The following WWC1 variants were observed in gnomAD, a reference collection of about 807,000 sequenced individuals.
WWC1 encodes the protein WW and C2 domain containing 1.
A neutral mutation model predicts 138.4 loss-of-function variants in WWC1; 55 were observed. That is an observed-to-expected ratio of 0.40 (90% CI 0.32 to 0.50). The LOEUF is 0.50. Ranked by LOEUF, WWC1 falls within the 20% of genes least tolerant of loss-of-function variation. The pLI, the probability that WWC1 is intolerant of heterozygous loss-of-function variation, is 0.72. For synonymous variants in WWC1, 524 were observed against 564.9 expected (o/e 0.93, Z 1.03); for missense variants, 1,226 against 1,420.4 (o/e 0.86, Z 2.20).
intron 7 of WWC1, among the ~76,000 whole-genome samples, chr5:168,409,719 G>A (rs147640682): frequency 7.2e-5 from 11 of 152,180 alleles, no homozygotes; most frequent in Non-Finnish European, 1.0e-4. Flanking sequence ...ATGTCTGAGC[G>A]TACGGTTCTT....
intron 19 of WWC1, among the ~76,000 whole-genome samples, chr5:168,455,984 C>A (rs1756281025): frequency 6.6e-6 from 1 of 152,214 alleles, no homozygotes; most frequent in African/African-American, 2.4e-5. Flanking sequence ...TTTAATTGAA[C>A]CTGCTGCTAA....
intron 9 of WWC1, among the ~76,000 whole-genome samples, chr5:168,418,228 C>T (rs1780801995): frequency 6.6e-6 from 1 of 152,170 alleles, no homozygotes; most frequent in Non-Finnish European, 1.5e-5. Context: ...ATCAGTCAGA[C>T]TCACAGGCAT....
intron 2 of WWC1, among the ~76,000 whole-genome samples, chr5:168,374,787 G>A (rs932158285): frequency 4.6e-5 from 7 of 152,192 alleles, no homozygotes; most frequent in South Asian, 2.1e-4. Flanking sequence ...ACTTGTGAGC[G>A]ACAAATGCCA....
chr5:168,309,777 C>A (rs916513078), intron 1 of WWC1, among the ~76,000 whole-genome samples: 1 of 152,260 alleles, frequency 6.6e-6, no homozygotes, highest in South Asian at 2.1e-4. Context: ...GGAGACCTCT[C>A]CCTCTTTGCT....
At position 168,292,719 on chromosome 5, in the gene WWC1, G is replaced by C. The variant is rs1413342338; in HGVS notation, c.119+448G>C. On this transcript the variant is annotated intron_variant, in intron 1 of 22. Coordinates refer to ENST00000265293, the MANE Select transcript of WWC1 (RefSeq NM_015238.3). This position sits in a 1 kb window ranked among gnomAD's most constrained non-coding sequence, Gnocchi z 4.4. ...GGGAAGTGTCCGGTTAGAGGGGGTG[G>C]TCAAGACCCCAGGATTCCGTGGGAG... Among the ~76,000 whole-genome samples, 2 of 152,158 alleles carry C rather than the reference G, an allele frequency of 1.3e-5. No homozygotes were observed. Among genetic ancestry groups the C allele is most frequent in the Non-Finnish European group, 2.9e-5 (2 of 68,032 alleles).
At chr5:168,295,215 G>A (rs1024525682) in intron 1 of WWC1, among the ~76,000 whole-genome samples, 4 of 152,044 alleles carry the variant, frequency 2.6e-5, no homozygotes, top group Non-Finnish European at 5.9e-5. Context: ...TGAGAAGTGG[G>A]TTGGTTAGAT....
At chr5:168,411,882 A>G (rs1780257275) in intron 8 of WWC1, 16 of 711,688 alleles carry the variant, frequency 2.2e-5, no homozygotes, top group Non-Finnish European at 2.6e-5. Context: ...TATGGGAACC[A>G]GGTGACTTGA....
chr5:168,402,255 G>T (rs549470833), intron 5 of WWC1, among the ~76,000 whole-genome samples: 5 of 152,346 alleles, frequency 3.3e-5, no homozygotes, highest in African/African-American at 9.6e-5. Context: ...TCTGCGTCCA[G>T]TGTGGAGGAA....
intron 20 of WWC1, 123 bp from the exon 21 acceptor site, chr5:168,464,606 G>T (rs1757091228): frequency 6.9e-7 from 1 of 1,458,622 alleles, no homozygotes; most frequent in African/African-American, 1.4e-5. Flanking sequence ...CCAGGGAAGG[G>T]CAAGCCCCAT....
intron 5 of WWC1, among the ~76,000 whole-genome samples, chr5:168,403,051 TTTCTTTC>T (rs1561712297): frequency 3.7e-5 from 5 of 136,388 alleles, no homozygotes. Flanking sequence ...TCTTTCTTTC[TTTCTTTC>T]TTTCTTTCTT....
At chr5:168,453,897 G>A in intron 17 of WWC1, 71 bp from the exon 18 acceptor site, 1 of 1,594,218 alleles carries the variant, frequency 6.3e-7, no homozygotes, top group Non-Finnish European at 8.5e-7. Context: ...CCTACCTTGG[G>A]TGTATTAAAG....
At chr5:168,421,445 C>T (rs1490398068) in intron 9 of WWC1, among the ~76,000 whole-genome samples, 1 of 152,212 alleles carries the variant, frequency 6.6e-6, no homozygotes, top group East Asian at 1.9e-4. Flanking sequence ...CCTTGTCACA[C>T]ACTGTGTTAA....
intron 1 of WWC1, among the ~76,000 whole-genome samples, chr5:168,346,726 TGTGA>T (rs1439984071): frequency 1.3e-5 from 2 of 152,208 alleles, no homozygotes; most frequent in African/African-American, 4.8e-5. Flanking sequence ...CTTGGTATGC[TGTGA>T]GTGAGATTGT....
intron 1 of WWC1, among the ~76,000 whole-genome samples, chr5:168,343,674 T>C (rs1774230813): frequency 6.6e-6 from 1 of 151,746 alleles, no homozygotes; most frequent in Non-Finnish European, 1.5e-5. Context: ...ATACAAAAAT[T>C]AGCTGGGCGT....
chr5:168,295,653 C>T (rs930428907), intron 1 of WWC1, among the ~76,000 whole-genome samples: 1 of 152,130 alleles, frequency 6.6e-6, no homozygotes, highest in Non-Finnish European at 1.5e-5. Flanking sequence ...AATAGCGTCT[C>T]TGGTTACCAA....
At position 168,445,701 on chromosome 5, in the gene WWC1, C is replaced by CAAAA. The variant is rs763044458; in HGVS notation, c.2525+1137_2525+1140dup. On this transcript the variant is annotated intron_variant, in intron 17 of 22. Coordinates refer to ENST00000265293, the MANE Select transcript of WWC1 (RefSeq NM_015238.3). ...TAGGTGACAGAGTGAGACTCTGTCT[C>CAAAA]AAAAAAAAAAAAAAAAAAAAAAAAG... Among the ~76,000 whole-genome samples, 7 of 50,668 alleles carry CAAAA rather than the reference C, an allele frequency of 1.4e-4. No homozygotes were observed. The East Asian group carries it at 2.3e-3, about 17-fold the overall frequency. 33.2% of individuals were successfully genotyped at this position (50,668 alleles called of 152,430 possible). A position where few individuals can be genotyped will look rare whatever the true frequency, so the allele number is the denominator to read the frequency against.
chr5:168,447,542 A>AT lies in WWC1; in HGVS notation c.2525+2966dup, dbSNP rs548640706. On this transcript the variant is annotated intron_variant, in intron 17 of 22. Transcript: ENST00000265293. ...CTTTTCACCAAGTATTCCCCTTTTGATTTTTTTTTCAGCCATTTTAAAATA... is the reference window on the plus strand; with the variant it reads ...CTTTTCACCAAGTATTCCCCTTTTGATTTTTTTTTTCAGCCATTTTAAAATA... Among the ~76,000 whole-genome samples, 187 of 151,092 alleles carry AT rather than the reference A, an allele frequency of 1.2e-3. 4 individuals are homozygous for AT. The South Asian group carries it at 0.018, about 14-fold the overall frequency.
chr5:168,457,776 G>A (rs958781894), intron 19 of WWC1, among the ~76,000 whole-genome samples: 4 of 152,332 alleles, frequency 2.6e-5, no homozygotes, highest in African/African-American at 9.6e-5. Flanking sequence ...GCCTCCACCA[G>A]GTTCCTGCCA....
At chr5:168,460,252 C>T (rs1374628967) in intron 19 of WWC1, among the ~76,000 whole-genome samples, 3 of 152,200 alleles carry the variant, frequency 2.0e-5, no homozygotes, top group Admixed American at 2.0e-4. Context: ...GGGCAGTATA[C>T]TCTGAAGTCA....
Sources: gnomAD v4.1 joint callset for allele counts (sites outside exome capture counted in the v4.1 genomes callset) on GRCh38, gnomAD v4.1.1 for gene constraint, Gnocchi (gnomAD v3.1) non-coding constraint, MANE v1.5 for transcripts, NCBI Gene and HGNC (gene_info 2026-07-23, HGNC 2026-07-21) for gene names.